NECAB2: variants seen among roughly 807,000 people sequenced by gnomAD.
NECAB2 encodes N-terminal EF-hand calcium-binding protein 2.
Under a neutral mutation model 51.9 loss-of-function variants are expected in NECAB2, and 68 were observed. The observed-to-expected ratio is 1.31, with a 90% CI of 1.08 to 1.60. The LOEUF (loss-of-function observed/expected upper bound fraction) is 1.60, where lower values mean the gene tolerates loss of function less well. Among genes scored for constraint, NECAB2 ranks in the 40% most tolerant of loss-of-function variants. The pLI, the probability that NECAB2 is intolerant of heterozygous loss-of-function variation, is 0.00. For missense variants in NECAB2, 854 were observed against 490.3 expected (o/e 1.74, Z -7.00); for synonymous variants, 329 against 203.5 (o/e 1.62, Z -5.25).
At chr16:83,991,888 T>C (rs1161132697) in intron 6 of NECAB2, among the ~76,000 whole-genome samples, 5 of 150,836 alleles carry the variant, frequency 3.3e-5, no homozygotes, top group African/African-American at 7.4e-5. Context: ...ACTCCTGGTC[T>C]CAGCAATCCT....
At chr16:83,969,294 C>T (rs150322160) in intron 1 of NECAB2, among the ~76,000 whole-genome samples, 1 of 152,094 alleles carries the variant, frequency 6.6e-6, no homozygotes, top group Non-Finnish European at 1.5e-5. Context: ...TACCTCTAGC[C>T]CACCTCTCTT....
At chr16:83,977,553 T>C (rs1396160188) in intron 2 of NECAB2, among the ~76,000 whole-genome samples, 6 of 151,940 alleles carry the variant, frequency 3.9e-5, no homozygotes, top group Non-Finnish European at 7.4e-5. Flanking sequence ...ACTGGTGGCA[T>C]GTGTCCCACC....
At chr16:83,997,829 C>T (rs982180170) in intron 9 of NECAB2, among the ~76,000 whole-genome samples, 14 of 152,052 alleles carry the variant, frequency 9.2e-5, no homozygotes, top group Non-Finnish European at 1.6e-4. Flanking sequence ...AAAGGTTTGG[C>T]ATAGAGCAAA....
At chr16:83,996,579 A>G (rs2084702251) in intron 8 of NECAB2, among the ~76,000 whole-genome samples, 1 of 151,242 alleles carries the variant, frequency 6.6e-6, no homozygotes, top group Non-Finnish European at 1.5e-5. Context: ...AGGAAGCAGC[A>G]GCATGAGCCT....
At chr16:83,992,770 C>A (rs1400556691) in intron 6 of NECAB2, among the ~76,000 whole-genome samples, 1 of 152,182 alleles carries the variant, frequency 6.6e-6, no homozygotes, top group Non-Finnish European at 1.5e-5. Context: ...TGGCTAGAAT[C>A]CCTGGACTGG....
chr16:83,965,609 G>A (rs1256829676), upstream of NECAB2: 7 of 1,613,106 alleles, frequency 4.3e-6, no homozygotes, highest in Non-Finnish European at 5.1e-6. Context: ...GATGATGCGG[G>A]AGCAGTCCAT....
intron 2 of NECAB2, among the ~76,000 whole-genome samples, chr16:83,976,531 C>G (rs2084413191): frequency 6.6e-6 from 1 of 152,206 alleles, no homozygotes; most frequent in Non-Finnish European, 1.5e-5. Context: ...TCACAGAACA[C>G]AGAAAGCAAC....
In NECAB2 at chr16:83,997,130, A is replaced by G. The variant is rs535292460; in HGVS notation, c.796-86A>G. 1.1e-5 allele frequency: 17 copies of G among 1,556,334 alleles called. No individual in the cohort carries two copies. In the African/African-American group the frequency reaches 1.4e-4, roughly 13 times the overall value. ...AGGGCCGGGTCCTTGGGAGCTCCCA[A>G]CAGCCCCAGGGATCCCAGAGCTCCT... On this transcript the variant is annotated intron_variant, in intron 8 of 12. Transcript: ENST00000305202.
At chr16:83,999,655 C>T (rs771579914) in intron 10 of NECAB2, among the ~76,000 whole-genome samples, 28 of 152,188 alleles carry the variant, frequency 1.8e-4, no homozygotes, top group South Asian at 6.2e-4. Context: ...GATTCTGGGG[C>T]GGCATAGACT....
intron 5 of NECAB2, among the ~76,000 whole-genome samples, chr16:83,983,864 A>G (rs2151090989): frequency 6.6e-6 from 1 of 152,248 alleles, no homozygotes; most frequent in Non-Finnish European, 1.5e-5. Flanking sequence ...GTAAAAATAG[A>G]ATTTATCCAT....
chr16:83,974,156 G>A (rs1163858848), intron 2 of NECAB2, among the ~76,000 whole-genome samples: 2 of 152,108 alleles, frequency 1.3e-5, no homozygotes, highest in African/African-American at 4.8e-5. Context: ...GACCGTTAGG[G>A]GCTGTCACCA....
chr16:83,977,479 G>C (rs2084426975), intron 2 of NECAB2, among the ~76,000 whole-genome samples: 2 of 152,096 alleles, frequency 1.3e-5, no homozygotes, highest in East Asian at 1.9e-4. Context: ...AGACCTTCCT[G>C]GTAGGGCCAA....
chr16:83,969,732 GGGATGTTGACTGC>G (rs2084328734), intron 1 of NECAB2, among the ~76,000 whole-genome samples: 3 of 152,178 alleles, frequency 2.0e-5, no homozygotes, highest in African/African-American at 7.2e-5. Context: ...GAGGCTTCTG[GGGATGTTGACTGC>G]GTGTTTCAGC....
At chr16:83,984,703 C>T (rs753935812) in intron 5 of NECAB2, among the ~76,000 whole-genome samples, 4 of 152,104 alleles carry the variant, frequency 2.6e-5, no homozygotes, top group Non-Finnish European at 4.4e-5. Context: ...GCAACCCAAC[C>T]TGGGTGACAA....
At position 83,998,262 on chromosome 16, in the gene NECAB2, C is replaced by T. The variant is rs775987148; in HGVS notation, c.907C>T (p.Leu303=). 2 of 1,613,290 alleles carry T rather than the reference C, an allele frequency of 1.2e-6. No individual in the cohort carries two copies. The change falls in exon 10 of 13, where the codon CTG becomes TTG. Residue 303 remains leucine, a synonymous_variant. Transcript: ENST00000305202. ...GTGCCCCGAGCAACTGAGCGAGTTT[C>T]TGGACTCTCTGCGCCAGTATCTGCG... The part of the protein sequence containing the change: ...AVCPEQLSEF[L]DSLRQYLRGT...
At chr16:84,000,860 TTCCTGGAGCCAGGCA>T in intron 11 of NECAB2, 59 bp downstream of exon 11, 1 of 1,557,070 alleles carries the variant, frequency 6.4e-7, no homozygotes, top group Non-Finnish European at 8.8e-7. Flanking sequence ...GGGGGCTGTC[TTCCTGGAGCCAGGCA>T]TCCTTGGAGG....
rs753445191 is a variant in NECAB2, at chr16:83,978,540, C to G, written c.323C>G (p.Ser108Cys). 5.0e-6 allele frequency: 8 copies of G among 1,613,026 alleles called. No homozygotes were observed. The South Asian group carries it at 6.6e-5, about 13-fold the overall frequency. The change falls in exon 3 of 13, where the codon TCT becomes TGT. Residue 108 changes from serine to cysteine, a missense_variant. Ser to Cys is a moderately radical substitution (Grantham distance 112). Coordinates refer to ENST00000305202, the MANE Select transcript of NECAB2 (RefSeq NM_019065.3). Reference sequence around the variant, plus strand: ...GAGGATCTCTTTCACACGATTGACTCTGACAACACCAAGTGAGCTTCAGTC... The same window carrying G: ...GAGGATCTCTTTCACACGATTGACTGTGACAACACCAAGTGAGCTTCAGTC... The part of the protein sequence containing the change: ...ELEDLFHTID[S>C]DNTNHVDTKE...
chr16:83,980,786 C>T (rs1173894008), intron 3 of NECAB2, 53 bp from the exon 4 acceptor site: 2 of 1,549,152 alleles, frequency 1.3e-6, no homozygotes. Context: ...AGGGTCAGGC[C>T]TGCTAACCCC....
At chr16:83,997,979 G>A (rs549147128) in intron 9 of NECAB2, among the ~76,000 whole-genome samples, 4 of 152,294 alleles carry the variant, frequency 2.6e-5, no homozygotes, top group East Asian at 1.9e-4. Context: ...AAACAACCTC[G>A]TCTGTTTTCC....
Sources: allele counts gnomAD v4.1 joint callset (sites outside exome capture counted in the v4.1 genomes callset), GRCh38; gene constraint gnomAD v4.1.1; transcripts MANE v1.5; gene names NCBI Gene and HGNC (gene_info 2026-07-23, HGNC 2026-07-21).